CACNA1C: variants seen among roughly 807,000 people sequenced by gnomAD.
The protein encoded by CACNA1C is voltage-dependent L-type calcium channel subunit alpha-1C.
Under a neutral mutation model 229.0 loss-of-function variants are expected in CACNA1C, and 30 were observed. The observed-to-expected ratio is 0.13, with a 90% CI of 0.10 to 0.18. The LOEUF is 0.18. CACNA1C is among the 10% of genes least tolerant of loss of function. The pLI is 1.00. For missense variants in CACNA1C, 1,658 were observed against 2,845.0 expected (o/e 0.58, Z 9.49); for synonymous variants, 1,114 against 1,132.5 (o/e 0.98, Z 0.33).
chr12:2,020,349 C>G (rs1365687026), intron 1 of CACNA1C: 4 of 152,142 alleles, frequency 2.6e-5, no homozygotes, highest in African/African-American at 9.7e-5. Flanking sequence ...CAGTGTCACC[C>G]CTGGTAGCTG....
rs117235497 is a variant in CACNA1C at position 2,065,687 on chromosome 12, T to C, written c.49+12076T>C. On this transcript the variant is annotated intron_variant, in intron 1 of 46. Coordinates refer to ENST00000399655, the MANE Select transcript of CACNA1C (RefSeq NM_000719.7). Reference sequence around the variant, plus strand: ...ACAGATTTAAAGAAGAAGGGTGGTATGGAAAGATGGAATAAATGGAGGAAG... The same window carrying C: ...ACAGATTTAAAGAAGAAGGGTGGTACGGAAAGATGGAATAAATGGAGGAAG... 2.8e-3 allele frequency among the ~76,000 whole-genome samples: 423 copies of C among 152,252 alleles called. 1 individual carries two copies. Among genetic ancestry groups the C allele is most frequent in the Non-Finnish European group, 5.0e-3 (341 of 68,032 alleles).
chr12:2,254,549 C>T (rs1056218800), intron 3 of CACNA1C, among the ~76,000 whole-genome samples: 3 of 152,162 alleles, frequency 2.0e-5, no homozygotes, highest in Non-Finnish European at 2.9e-5. Context: ...CAAACTGGCA[C>T]AGGGGATGTC....
exon 1 of CACNA1C, chr12:1,970,961 G>A (rs1300562370): frequency 1.6e-6 from 1 of 614,852 alleles, no homozygotes; most frequent in African/African-American, 1.9e-5. Context: ...AAATGTTACT[G>A]CAGGAATAGC....
At chr12:2,173,829 G>A (rs1212964009) in intron 3 of CACNA1C, among the ~76,000 whole-genome samples, 3 of 152,140 alleles carry the variant, frequency 2.0e-5, no homozygotes, top group Non-Finnish European at 4.4e-5. Context: ...CTGACTCAAA[G>A]TAGGCACCAG....
At position 2,575,281 on chromosome 12, in the gene CACNA1C, C is replaced by T. The variant is rs145008455; in HGVS notation, c.1896-6309C>T. On this transcript the variant is annotated intron_variant, in intron 13 of 46. Transcript: ENST00000399655. The surrounding 1 kb of genome is among the most constrained non-coding windows in gnomAD (Gnocchi z 4.0). The stretch of plus-strand genomic sequence containing the variant: ...GGGCAGGTACCAGTAGAAACTGAAC[C>T]GGTAGTTGAGGCCTTGGGGCCCAGG... 6.6e-5 allele frequency among the ~76,000 whole-genome samples: 10 copies of T among 152,300 alleles called. No individual in the cohort carries two copies. Among genetic ancestry groups the T allele is most frequent in the East Asian group, 3.9e-4 (2 of 5,182 alleles).
intron 5 of CACNA1C, among the ~76,000 whole-genome samples, chr12:2,480,753 A>G (rs111639802): frequency 5.3e-5 from 8 of 152,314 alleles, no homozygotes; most frequent in African/African-American, 1.9e-4. Context: ...GAATTCTGTC[A>G]TCAAGCCTCC....
intron 1 of CACNA1C, among the ~76,000 whole-genome samples, chr12:2,092,809 G>C (rs1007275146): frequency 2.0e-5 from 3 of 152,226 alleles, no homozygotes; most frequent in African/African-American, 7.2e-5. Context: ...ACTTAGCAAA[G>C]ATCACATGGT....
At chr12:2,371,692 C>G (rs2097866861) in intron 3 of CACNA1C, among the ~76,000 whole-genome samples, 1 of 121,682 alleles carries the variant, frequency 8.2e-6, no homozygotes, top group African/African-American at 3.1e-5. Context: ...ATATGGCACA[C>G]AGGAAGCAAG....
At chr12:2,680,585 A>T in intron 42 of CACNA1C, 2 of 1,554,018 alleles carry the variant, frequency 1.3e-6, no homozygotes, top group South Asian at 1.2e-5. Context: ...GGTTCTTGAC[A>T]TGCTCGCCCT....
chr12:2,031,990 TG>T (rs1483121925), intron 1 of CACNA1C, among the ~76,000 whole-genome samples: 1 of 88,042 alleles, frequency 1.1e-5, no homozygotes, highest in African/African-American at 9.4e-5. Context: ...TGTGTGAGTG[TG>T]TTTGTGTGTG....
chr12:2,308,863 A>G (rs1002557113), intron 3 of CACNA1C, among the ~76,000 whole-genome samples: 2 of 152,232 alleles, frequency 1.3e-5, no homozygotes, highest in African/African-American at 4.8e-5. Flanking sequence ...TATGAAAACA[A>G]GGGAATCCTG....
chr12:2,675,311 A>G (rs1427115395), intron 39 of CACNA1C, among the ~76,000 whole-genome samples: 1 of 152,254 alleles, frequency 6.6e-6, no homozygotes, highest in Non-Finnish European at 1.5e-5. Context: ...GGTACATTTA[A>G]TTGATGAGAT....
At chr12:2,038,710 T>C (rs1163643067) in intron 1 of CACNA1C, among the ~76,000 whole-genome samples, 3 of 152,226 alleles carry the variant, frequency 2.0e-5, no homozygotes, top group Non-Finnish European at 2.9e-5. Context: ...AGCTTTGACA[T>C]GTGACAACTG....
At chr12:2,535,715 A>C (rs1317635542) in intron 9 of CACNA1C, among the ~76,000 whole-genome samples, 2 of 147,152 alleles carry the variant, frequency 1.4e-5, no homozygotes, top group Non-Finnish European at 3.0e-5. Context: ...AAAAAAAAAA[A>C]AAAAAAAAAA....
At chr12:2,487,568 A>G (rs2099702508) in intron 6 of CACNA1C, among the ~76,000 whole-genome samples, 1 of 151,732 alleles carries the variant, frequency 6.6e-6, no homozygotes, top group Non-Finnish European at 1.5e-5. Context: ...CTATAGACAC[A>G]GAATCACACA....
At chr12:2,672,193 G>A (rs563466329) in intron 38 of CACNA1C, 1 of 152,114 alleles carries the variant, frequency 6.6e-6, no homozygotes, top group East Asian at 1.9e-4. Context: ...CTCTTGGAAC[G>A]TAGAAGGAAG....
chr12:2,645,784 C>T (rs915458506), intron 30 of CACNA1C, among the ~76,000 whole-genome samples: 2 of 152,180 alleles, frequency 1.3e-5, no homozygotes, highest in Non-Finnish European at 2.9e-5. Flanking sequence ...AACAGCTCCT[C>T]ATGTGGAAAC....
At chr12:2,395,128 C>T (rs989439767) in intron 3 of CACNA1C, among the ~76,000 whole-genome samples, 5 of 152,068 alleles carry the variant, frequency 3.3e-5, no homozygotes, top group African/African-American at 1.2e-4. Context: ...CAAATGATTT[C>T]CTGCCTCAGC....
At chr12:2,262,886 G>T (rs1052856808) in intron 3 of CACNA1C, among the ~76,000 whole-genome samples, 3 of 152,176 alleles carry the variant, frequency 2.0e-5, no homozygotes, top group Non-Finnish European at 4.4e-5. Flanking sequence ...ATTGTTGTAG[G>T]TGCATCACTA....
Sources: allele counts gnomAD v4.1 joint callset (sites outside exome capture counted in the v4.1 genomes callset), GRCh38; gene constraint gnomAD v4.1.1; non-coding constraint Gnocchi (gnomAD v3.1); transcripts MANE v1.5; gene names NCBI Gene and HGNC (gene_info 2026-07-23, HGNC 2026-07-21).